RHD: variants seen among roughly 807,000 people sequenced by gnomAD.
The protein encoded by RHD is Rh blood group D antigen, also known as blood group Rh(D) polypeptide.
RHD carries 16 observed loss-of-function variants against 45.5 expected under a neutral mutation model. That is an observed-to-expected ratio of 0.35 (90% CI 0.24 to 0.53). The LOEUF (loss-of-function observed/expected upper bound fraction) is 0.53. Ranked by LOEUF, RHD falls within the 20% of genes least tolerant of loss-of-function variation. The pLI, the probability that RHD is intolerant of heterozygous loss-of-function variation, is 0.92. For missense variants in RHD, 306 were observed against 532.0 expected, an observed-to-expected ratio of 0.58 and a Z score of 4.18; for synonymous variants, 131 against 217.5, an observed-to-expected ratio of 0.60 and a Z score of 3.50.
rs57221829 is a variant in RHD, at chr1:25,276,693, G to A, written c.148+3998G>A. Among the ~76,000 whole-genome samples the A allele has an allele frequency of 7.7e-5, 10 of 129,888 alleles. 2 individuals carry two copies. The highest frequency in any genetic ancestry group is 2.6e-4 in the African/African-American group (10 of 37,974). 85.2% of individuals were successfully genotyped at this position (129,888 alleles called of 152,430 possible). A position where few individuals can be genotyped will look rare whatever the true frequency, so the allele number is the denominator to read the frequency against. ...TGTACCACTTCACTCCAGCATGGGC[G>A]ACAGAGCAAGACCCTGTCTCAAAAA... On this transcript the variant is annotated intron_variant, in intron 1 of 9. Transcript: ENST00000328664.
rs1355168818 is a variant in RHD, at chr1:25,296,093, C to A, written c.487-4853C>A. 4.4e-5 allele frequency among the ~76,000 whole-genome samples: 5 copies of A among 113,552 alleles called. 1 individual carries two copies. The highest frequency in any genetic ancestry group is 1.0e-4 in the Non-Finnish European group (5 of 47,840). The allele number at this position is 113,552 out of a possible 152,430, so 74.5% of individuals were successfully genotyped here. ...GGCCAGGCTGGTCTCAAACTCCTGACCTCAGGTGATCCACCCGCCTTGGCC... is the reference window on the plus strand; with the variant it reads ...GGCCAGGCTGGTCTCAAACTCCTGAACTCAGGTGATCCACCCGCCTTGGCC... On this transcript the variant is annotated intron_variant, in intron 3 of 9. Transcript: ENST00000328664.
At position 25,306,129 on chromosome 1, in the gene RHD, C is replaced by T. The variant is rs183365219; in HGVS notation, c.940-467C>T. 1.5e-5 allele frequency among the ~76,000 whole-genome samples: 2 copies of T among 131,412 alleles called. 1 individual carries two copies. Among genetic ancestry groups the T allele is most frequent in the Non-Finnish European group, 3.6e-5 (2 of 55,674 alleles). 86.2% of individuals were successfully genotyped at this position (131,412 alleles called of 152,430 possible). On this transcript the variant is annotated intron_variant, in intron 6 of 9. Transcript: ENST00000328664. The stretch of plus-strand genomic sequence containing the variant: ...TTGGGCTAGACCAGTGGGTCTTGGT[C>T]ACCCCCCAGGGGACATCTTACAATG...
intron 3 of RHD, among the ~76,000 whole-genome samples, chr1:25,291,419 A>G (rs1484488154): frequency 7.6e-6 from 1 of 132,202 alleles, no homozygotes; most frequent in Admixed American, 7.4e-5. Context: ...CAGTGAACCG[A>G]GATCGCGCCA....
intron 3 of RHD, among the ~76,000 whole-genome samples, chr1:25,297,476 A>C (rs1830962): frequency 9.1e-6 from 1 of 110,062 alleles, no homozygotes; most frequent in Non-Finnish European, 2.2e-5. Context: ...CCTGTTGATC[A>C]TCCAACTTTC....
At chr1:25,288,175 G>C (rs1332992692) in intron 2 of RHD, among the ~76,000 whole-genome samples, 1 of 130,780 alleles carries the variant, frequency 7.6e-6, no homozygotes, top group South Asian at 2.4e-4. Flanking sequence ...ACACCACCAC[G>C]CCTAGCTGAT....
In RHD at chr1:25,290,948, A is replaced by C. The variant is rs534080655; in HGVS notation, c.486+157A>C. 3.6e-4 allele frequency among the ~76,000 whole-genome samples: 47 copies of C among 131,246 alleles called. 11 individuals are homozygous for C. The highest frequency in any genetic ancestry group is 1.2e-3 in the South Asian group (5 of 4,246). 86.1% of individuals were successfully genotyped at this position (131,246 alleles called of 152,430 possible). On this transcript the variant is annotated intron_variant, in intron 3 of 9. Transcript: ENST00000328664. Reference sequence around the variant, plus strand: ...CACTTGAGGCCAGGAGTTTGAGACCAGCCTGGGCATCATAGCAAGATCCTC... The same window carrying C: ...CACTTGAGGCCAGGAGTTTGAGACCCGCCTGGGCATCATAGCAAGATCCTC...
chr1:25,312,287 GT>G (rs1644190734), intron 7 of RHD, among the ~76,000 whole-genome samples: 1 of 100,184 alleles, frequency 1.0e-5, no homozygotes, highest in East Asian at 2.1e-4. Context: ...TCCTATGCCT[GT>G]TCCACTGTTG....
At position 25,301,065 on chromosome 1, in the gene RHD, A is replaced by T. The variant is rs1365006232; in HGVS notation, c.606A>T (p.Ala202=). ...PEGTEDKDQT[A]TIPSLSAMLG... is the part of the protein sequence containing the mutation. ...GAACGGAGGATAAAGATCAGACAGC[A>T]ACGATACCCAGTTTGTCTGCCATGC... The change falls in exon 4 of 10, where the codon GCA becomes GCT. Residue 202 remains alanine (A), a synonymous_variant. Coordinates refer to ENST00000328664, the MANE Select transcript of RHD (RefSeq NM_016124.6). 1 of 1,376,694 alleles carries T rather than the reference A, an allele frequency of 7.3e-7. No individual in the cohort carries two copies. The highest frequency in any genetic ancestry group is 1.2e-5 in the South Asian group (1 of 84,848). 85.3% of individuals were successfully genotyped at this position (1,376,694 alleles called of 1,614,324 possible).
At chr1:25,296,883 G>A (rs1428822683) in intron 3 of RHD, among the ~76,000 whole-genome samples, 1 of 128,932 alleles carries the variant, frequency 7.8e-6, no homozygotes, top group Non-Finnish European at 1.8e-5. Flanking sequence ...TATAAATTAC[G>A]CAGTCTCAGG....
In RHD at chr1:25,318,775, C is replaced by T. The variant is rs539184341; in HGVS notation, c.1153+1696C>T. On this transcript the variant is annotated intron_variant, in intron 8 of 9. Transcript: ENST00000328664. Reference sequence around the variant, plus strand: ...GGCATGTCACTTTACTCCCTCTGAGCCTTGGTTAGCTTCTCTGTAAAATGA... The same window carrying T: ...GGCATGTCACTTTACTCCCTCTGAGTCTTGGTTAGCTTCTCTGTAAAATGA... 1.8e-3 allele frequency among the ~76,000 whole-genome samples: 242 copies of T among 132,092 alleles called. 26 individuals are homozygous for T. The highest frequency in any genetic ancestry group is 5.9e-3 in the African/African-American group (230 of 38,886). The allele number at this position is 132,092 out of a possible 152,430, so 86.7% of individuals were successfully genotyped here. A position where few individuals can be genotyped will look rare whatever the true frequency, so the allele number is the denominator to read the frequency against.
chr1:25,278,404 C>A (rs1641199393), intron 1 of RHD, among the ~76,000 whole-genome samples: 2 of 131,084 alleles, frequency 1.5e-5, no homozygotes, highest in African/African-American at 5.2e-5. Flanking sequence ...CCACCCCAAA[C>A]TTAGTGGCTT....
chr1:25,273,727 A>T (rs1231952331), intron 1 of RHD, among the ~76,000 whole-genome samples: 2 of 128,528 alleles, frequency 1.6e-5, no homozygotes, highest in African/African-American at 5.3e-5. Context: ...AATGAGTTTC[A>T]GGCATCTCAG....
intron 8 of RHD, among the ~76,000 whole-genome samples, chr1:25,318,775 C>A (rs539184341): frequency 7.6e-6 from 1 of 131,972 alleles, no homozygotes; most frequent in African/African-American, 2.6e-5. Context: ...TCCCTCTGAG[C>A]CTTGGTTAGC....
At position 25,276,033 on chromosome 1, in the gene RHD, T is replaced by C. The variant is rs1640929491; in HGVS notation, c.148+3338T>C. Among the ~76,000 whole-genome samples, 4 of 132,416 alleles carry C rather than the reference T, an allele frequency of 3.0e-5. 1 individual carries two copies. The highest frequency in any genetic ancestry group is 3.0e-4 in the Admixed American group (4 of 13,554). The allele number at this position is 132,416 out of a possible 152,430, so 86.9% of individuals were successfully genotyped here. ...TAACTTAATCTGTCAATCCACTTAA[T>C]TGAATTCAGTCCTGGTAAACTATAA... On this transcript the variant is annotated intron_variant, in intron 1 of 9. Transcript: ENST00000328664.
intron 2 of RHD, among the ~76,000 whole-genome samples, chr1:25,288,935 ACTCCTTCCC>A (rs1642264974): frequency 7.5e-6 from 1 of 132,598 alleles, no homozygotes; most frequent in Non-Finnish European, 1.8e-5. Flanking sequence ...TCCCTGTAAG[ACTCCTTCCC>A]CATGCCCTTG....
At chr1:25,283,041 G>A (rs1641641475) in intron 1 of RHD, among the ~76,000 whole-genome samples, 1 of 133,110 alleles carries the variant, frequency 7.5e-6, no homozygotes, top group African/African-American at 2.6e-5. Flanking sequence ...ATTCATGTGC[G>A]AAAACAGTTG....
chr1:25,329,788 GA>G lies in RHD; in HGVS notation c.*866del, dbSNP rs1644959376. ...CCTGCCTCAGCCTCCCGAGTAGCTG[GA>G]ATTACAAGTGCGCACTACCACACCC... On this transcript the variant is annotated 3_prime_UTR_variant, in exon 10 of 10. Coordinates refer to ENST00000328664, the MANE Select transcript of RHD (RefSeq NM_016124.6). 2 of 129,532 alleles carry G rather than the reference GA, an allele frequency of 1.5e-5. No homozygotes were observed. The highest frequency in any genetic ancestry group is 7.5e-5 in the Admixed American group (1 of 13,262). The allele number at this position is 129,532 out of a possible 1,614,324, so 8.0% of individuals were successfully genotyped here.
rs1644733015 is a variant in RHD at position 25,321,931 on chromosome 1, C to G, written c.1196C>G (p.Ala399Gly). The part of the protein sequence containing the change: ...NLKIWKAPHE[A>G]KYFDDQVFWK... ...AAAATATGGAAAGCACCTCATGAGGCTAAATATTTTGATGACCAAGTTTTC... is the reference window on the plus strand; with the variant it reads ...AAAATATGGAAAGCACCTCATGAGGGTAAATATTTTGATGACCAAGTTTTC... The change falls in exon 9 of 10, where the codon GCT becomes GGT. Residue 399 changes from alanine (A) to glycine (G), a missense_variant. Ala to Gly is a moderately conservative substitution (Grantham distance 60). Coordinates refer to ENST00000328664, the MANE Select transcript of RHD (RefSeq NM_016124.6). 7.5e-7 allele frequency: 1 copy of G among 1,337,622 alleles called. No individual in the cohort carries two copies. Among genetic ancestry groups the G allele is most frequent in the South Asian group, 1.2e-5 (1 of 84,256 alleles). The allele number at this position is 1,337,622 out of a possible 1,614,324, so 82.9% of individuals were successfully genotyped here.
rs1265344310 is a variant in RHD, at chr1:25,311,598, G to C, written c.1073+4869G>C. ...GCCAGAGGCTGTTCATCAGGACAAG[G>C]GAGAAAAACTCCAAAGCCATTTCAG... On this transcript the variant is annotated intron_variant, in intron 7 of 9. Transcript: ENST00000328664. Among the ~76,000 whole-genome samples the C allele has an allele frequency of 3.1e-5, 4 of 130,098 alleles. 2 individuals are homozygous for C. Among genetic ancestry groups the C allele is most frequent in the Non-Finnish European group, 7.3e-5 (4 of 55,084 alleles). The allele number at this position is 130,098 out of a possible 152,430, so 85.3% of individuals were successfully genotyped here. A position where few individuals can be genotyped will look rare whatever the true frequency, so the allele number is the denominator to read the frequency against.
Sources: allele counts gnomAD v4.1 joint callset (sites outside exome capture counted in the v4.1 genomes callset), GRCh38; gene constraint gnomAD v4.1.1; transcripts MANE v1.5; gene names NCBI Gene and HGNC (gene_info 2026-07-23, HGNC 2026-07-21).